Variants in FMN1 observed in about 807,000 individuals in gnomAD.
FMN1 encodes formin 1.
FMN1 carries 110 observed loss-of-function variants against 132.4 expected under a neutral mutation model. That is an observed-to-expected ratio of 0.83 (90% CI 0.71 to 0.97). The LOEUF is 0.97. FMN1 is among the 50% of genes least tolerant of loss of function. The pLI is 0.00. For missense variants in FMN1, 1,792 were observed against 1,705.3 expected (o/e 1.05, Z -0.90); for synonymous variants, 722 against 651.7 (o/e 1.11, Z -1.64).
intron 4 of FMN1, among the ~76,000 whole-genome samples, chr15:33,126,431 A>ATTC (rs1963076893): frequency 6.6e-6 from 1 of 152,038 alleles, no homozygotes; most frequent in Non-Finnish European, 1.5e-5. Context: ...GTGAGAGGAG[A>ATTC]AGGTGGGTGC....
chr15:32,890,098 T>C (rs528611948), intron 15 of FMN1, among the ~76,000 whole-genome samples: 1 of 152,330 alleles, frequency 6.6e-6, no homozygotes, highest in African/African-American at 2.4e-5. Flanking sequence ...AAAATGCTGT[T>C]AATTCATTCC....
intron 17 of FMN1, among the ~76,000 whole-genome samples, chr15:32,855,139 C>T (rs1222184798): frequency 1.0e-4 from 13 of 124,034 alleles, no homozygotes; most frequent in African/African-American, 4.1e-4. Flanking sequence ...GGGTTCCACA[C>T]TGGAATTACG....
intron 6 of FMN1, among the ~76,000 whole-genome samples, chr15:33,046,981 T>G (rs2036717089): frequency 6.6e-6 from 1 of 152,200 alleles, no homozygotes; most frequent in Non-Finnish European, 1.5e-5. Context: ...AACTGGTCAG[T>G]AACAAACTTT....
Position 33,044,292 on chromosome 15 carries a change from T to G in FMN1, c.2161+20665A>C, listed in dbSNP as rs188769439. ...AGACAGGTTCCTGGGTGAAAAGGGGTAGGTCCCTAGTGAGGCCCCACCTTC... is the reference window on the plus strand; with the variant it reads ...AGACAGGTTCCTGGGTGAAAAGGGGGAGGTCCCTAGTGAGGCCCCACCTTC... On this transcript the variant is annotated intron_variant, in intron 6 of 20. Coordinates refer to ENST00000616417, the MANE Select transcript of FMN1 (RefSeq NM_001277313.2). Among the ~76,000 whole-genome samples the G allele has an allele frequency of 2.4e-3, 359 of 152,144 alleles. 3 individuals carry two copies. The highest frequency in any genetic ancestry group is 4.3e-4 in the Non-Finnish European group (29 of 67,982).
intron 18 of FMN1, among the ~76,000 whole-genome samples, chr15:32,800,773 TGTTGCTCATGCTCA>T (rs2057451226): frequency 6.6e-6 from 1 of 152,252 alleles, no homozygotes; most frequent in African/African-American, 2.4e-5. Flanking sequence ...TTTATCTTTC[TGTTGCTCATGCTCA>T]ATAACACAGG....
At chr15:33,128,763 A>G (rs1290839488) in intron 4 of FMN1, among the ~76,000 whole-genome samples, 1 of 152,232 alleles carries the variant, frequency 6.6e-6, no homozygotes, top group Non-Finnish European at 1.5e-5. Flanking sequence ...AAGCCCTTAA[A>G]AGTGGTATGG....
rs1567267021 is a variant in FMN1 at position 32,848,973 on chromosome 15, TTTTG to T, written c.3928+8038_3928+8041del. On this transcript the variant is annotated intron_variant, in intron 17 of 20. Transcript: ENST00000616417. ...GAATATCAGTCTTGGGTTAGTTCTCTTTTGTTTTTTTTTTTTTTTTTTTTTTCAG... is the reference window on the plus strand; with the variant it reads ...GAATATCAGTCTTGGGTTAGTTCTCTTTTTTTTTTTTTTTTTTTTTTTCAG... 1.1e-4 allele frequency among the ~76,000 whole-genome samples: 10 copies of T among 92,552 alleles called. No individual in the cohort carries two copies. In the South Asian group the frequency reaches 1.8e-3, roughly 17 times the overall value. 60.7% of individuals were successfully genotyped at this position (92,552 alleles called of 152,430 possible).
intron 9 of FMN1, among the ~76,000 whole-genome samples, chr15:32,930,150 C>T (rs7178711): frequency 5.0e-4 from 76 of 151,828 alleles, no homozygotes; most frequent in African/African-American, 1.6e-3. Context: ...CCACCACGCC[C>T]GGCTAATTTT....
intron 4 of FMN1, among the ~76,000 whole-genome samples, chr15:33,111,450 A>T (rs1260358607): frequency 1.3e-5 from 2 of 152,192 alleles, no homozygotes; most frequent in East Asian, 1.9e-4. Flanking sequence ...CAAGAATTAG[A>T]ATACAACTCA....
chr15:33,048,537 T>A (rs992374909), intron 6 of FMN1, among the ~76,000 whole-genome samples: 3 of 144,262 alleles, frequency 2.1e-5, no homozygotes, highest in African/African-American at 7.7e-5. Context: ...TTGAGACTAC[T>A]AAAAAAAAAG....
At chr15:33,102,404 A>C (rs760322616) in intron 4 of FMN1, among the ~76,000 whole-genome samples, 2 of 152,130 alleles carry the variant, frequency 1.3e-5, no homozygotes, top group Admixed American at 6.5e-5. Flanking sequence ...CCAAAGCTAG[A>C]CTATTCTCAT....
rs766013540 is a variant in FMN1 at position 32,969,304 on chromosome 15, G to A, written c.2397C>T (p.Thr799=). The A allele has an allele frequency of 2.5e-6, 4 of 1,613,826 alleles. No individual in the cohort carries two copies. The highest frequency in any genetic ancestry group is 3.3e-5 in the Admixed American group (2 of 59,990). Residue 799 remains threonine (T), a synonymous_variant, in exon 8 of 21, where the codon ACC becomes ACT. Coordinates refer to ENST00000616417, the MANE Select transcript of FMN1 (RefSeq NM_001277313.2). ...ISTDDDCPPK[T]FRNVCVQTDR... ...CTGTCTGGACGCACACATTTCTGAA[G>A]GTCTTTGGAGGGCAGTCATCATCGG... is the stretch of plus-strand genomic sequence containing the variant.
At chr15:33,031,164 C>G (rs1017142042) in intron 6 of FMN1, among the ~76,000 whole-genome samples, 1 of 152,182 alleles carries the variant, frequency 6.6e-6, no homozygotes, top group African/African-American at 2.4e-5. Flanking sequence ...ATAAGAAATA[C>G]AGCCAGGATT....
intron 4 of FMN1, among the ~76,000 whole-genome samples, chr15:33,134,793 G>C (rs567220338): frequency 1.3e-5 from 2 of 152,330 alleles, no homozygotes; most frequent in African/African-American, 4.8e-5. Flanking sequence ...CCTGAGGTCA[G>C]ATGTTCAAGA....
rs543949640 is a variant in FMN1, at chr15:33,029,924, G to C, written c.2162-21849C>G. Among the ~76,000 whole-genome samples the C allele has an allele frequency of 2.0e-5, 3 of 152,332 alleles. No individual in the cohort carries two copies. In the South Asian group the frequency reaches 6.2e-4, roughly 32 times the overall value. The stretch of plus-strand genomic sequence containing the variant: ...TGTAATCCCAGCACTTTCGGAGACC[G>C]AGGCAGGCAGATCATGAGGTCAAGA... On this transcript the variant is annotated intron_variant, in intron 6 of 20. Coordinates refer to ENST00000616417, the MANE Select transcript of FMN1 (RefSeq NM_001277313.2).
At chr15:33,096,208 G>A (rs1204032816) in intron 4 of FMN1, among the ~76,000 whole-genome samples, 2 of 152,156 alleles carry the variant, frequency 1.3e-5, no homozygotes, top group Non-Finnish European at 1.5e-5. Context: ...AAAATTCTGA[G>A]AAAAACAGCT....
At chr15:33,023,067 A>AAG (rs1401750609) in intron 6 of FMN1, among the ~76,000 whole-genome samples, 3 of 79,974 alleles carry the variant, frequency 3.8e-5, no homozygotes, top group Non-Finnish European at 5.6e-5. Context: ...CCCAAAAAAA[A>AAG]AAAAAAAAAA....
intron 5 of FMN1, among the ~76,000 whole-genome samples, chr15:33,082,092 AATGTGTGT>A (rs1196324402): frequency 0.047 from 4,100 of 87,934 alleles, 200 homozygotes; most frequent in African/African-American, 0.15. Context: ...GCTGGAAAAC[AATGTGTGT>A]GTGTGTGTGT....
chr15:32,995,884 G>A (rs1382372734), intron 7 of FMN1, among the ~76,000 whole-genome samples: 1 of 152,140 alleles, frequency 6.6e-6, no homozygotes, highest in East Asian at 1.9e-4. Flanking sequence ...CTAGGAAGAG[G>A]CAATAATGGA....
Sources: gnomAD v4.1 joint callset for allele counts (sites outside exome capture counted in the v4.1 genomes callset) on GRCh38, gnomAD v4.1.1 for gene constraint, MANE v1.5 for transcripts, NCBI Gene and HGNC (gene_info 2026-07-23, HGNC 2026-07-21) for gene names.